The following NDUFA10 variants were observed in gnomAD, a reference collection of about 807,000 sequenced individuals.
The protein encoded by NDUFA10 is NADH dehydrogenase [ubiquinone] 1 alpha subcomplex subunit 10, mitochondrial.
A neutral mutation model predicts 47.8 loss-of-function variants in NDUFA10; 40 were observed. That is an observed-to-expected ratio of 0.84 (90% confidence interval 0.65 to 1.09). The LOEUF is 1.09. NDUFA10 is among the 50% of genes least tolerant of loss of function. NDUFA10 has a pLI of 0.00. For synonymous variants in NDUFA10, 183 were observed against 172.2 expected, an observed-to-expected ratio of 1.06 and a Z score of -0.49; for missense variants, 413 against 451.1, an observed-to-expected ratio of 0.92 and a Z score of 0.76.
At chr2:239,940,875 G>C (rs1694349932) in intron 4 of NDUFA10, among the ~76,000 whole-genome samples, 2 of 152,222 alleles carry the variant, frequency 1.3e-5, no homozygotes, top group Admixed American at 1.3e-4. Context: ...TGACCTACAA[G>C]GAACAGAGTT....
intron 4 of NDUFA10, among the ~76,000 whole-genome samples, chr2:239,904,701 G>A: frequency 6.6e-6 from 1 of 152,226 alleles, no homozygotes; most frequent in South Asian, 2.1e-4. Flanking sequence ...TGGTGCATCA[G>A]TGTCCTGGGG....
At chr2:239,966,301 T>C (rs934680412) in intron 9 of NDUFA10, among the ~76,000 whole-genome samples, 1 of 152,190 alleles carries the variant, frequency 6.6e-6, no homozygotes, top group Admixed American at 6.5e-5. Context: ...CAACTCCCCC[T>C]GGCCCCCGAT....
intron 4 of NDUFA10, among the ~76,000 whole-genome samples, chr2:239,919,608 G>T (rs762379718): frequency 6.6e-6 from 1 of 152,190 alleles, no homozygotes; most frequent in Non-Finnish European, 1.5e-5. Context: ...TGGGTGTGGG[G>T]TTATGGGTGA....
chr2:239,962,624 C>A (rs1160574943), intron 9 of NDUFA10, among the ~76,000 whole-genome samples: 1 of 152,166 alleles, frequency 6.6e-6, no homozygotes, highest in Non-Finnish European at 1.5e-5. Flanking sequence ...TTCATTCTTG[C>A]ACTGCTATAA....
At position 240,018,775 on chromosome 2, in the gene NDUFA10, A is replaced by G. The variant is rs1697478566; in HGVS notation, c.461-136T>C. ...TCCACACCAAAATACTGAAAAGAACATAGACATATTTGTAAGTGGGAAACC... is the reference window on the plus strand; with the variant it reads ...TCCACACCAAAATACTGAAAAGAACGTAGACATATTTGTAAGTGGGAAACC... On this transcript the variant is annotated intron_variant, in intron 3 of 9. Transcript: ENST00000252711. 4.9e-6 allele frequency: 5 copies of G among 1,020,084 alleles called. No individual in the cohort carries two copies. In the Admixed American group the frequency reaches 8.3e-5, roughly 17 times the overall value. 63.2% of individuals were successfully genotyped at this position (1,020,084 alleles called of 1,614,324 possible).
chr2:239,972,741 T>C (rs1695352603), intron 9 of NDUFA10, among the ~76,000 whole-genome samples: 1 of 152,256 alleles, frequency 6.6e-6, no homozygotes, highest in Admixed American at 6.5e-5. Context: ...GTCATATTTG[T>C]TGCAATGAGT....
Position 239,945,920 on chromosome 2 carries a change from C to A in NDUFA10, c.294+44154G>T, listed in dbSNP as rs1158057462. ...TGGAGCAGGAGGGTGGAAGACACTG[C>A]GCTGAGAATGGGATCCGCTTGCGGA... On this transcript the variant is annotated intron_variant, in intron 4 of 5. Coordinates refer to the NDUFA10 transcript ENST00000419408. The surrounding 1 kb of genome is among the most constrained non-coding windows in gnomAD (Gnocchi z 4.6). Among the ~76,000 whole-genome samples, 1 of 152,140 alleles carries A rather than the reference C, an allele frequency of 6.6e-6. No individual in the cohort carries two copies. The highest frequency in any genetic ancestry group is 1.5e-5 in the Non-Finnish European group (1 of 68,028).
intron 1 of NDUFA10, 79 bp downstream of exon 1, chr2:240,025,148 G>A (rs1204066568): frequency 5.9e-6 from 7 of 1,183,622 alleles, no homozygotes; most frequent in East Asian, 6.1e-5. Flanking sequence ...AGAGGCCGGG[G>A]GAGATGTGGA....
chr2:240,000,675 G>A (rs917786623), intron 8 of NDUFA10, among the ~76,000 whole-genome samples: 4 of 152,070 alleles, frequency 2.6e-5, no homozygotes, highest in South Asian at 2.1e-4. Context: ...TGCCAGTCCC[G>A]TCAGCTCCAC....
chr2:239,899,117 G>A (rs1429500532), intron 4 of NDUFA10, among the ~76,000 whole-genome samples: 1 of 20,180 alleles, frequency 5.0e-5, no homozygotes, highest in Non-Finnish European at 1.2e-4. Flanking sequence ...GTGACGGAGG[G>A]GTGTGATGGA....
At chr2:239,892,739 C>T (rs1479092595) in intron 5 of NDUFA10, 1 of 152,304 alleles carries the variant, frequency 6.6e-6, no homozygotes, top group Non-Finnish European at 1.5e-5. Context: ...TCCTTAGTTC[C>T]ACCACCCAAG....
chr2:239,913,225 C>T (rs1185756436), intron 4 of NDUFA10, among the ~76,000 whole-genome samples: 1 of 152,256 alleles, frequency 6.6e-6, no homozygotes. Flanking sequence ...TGAGCCAAGA[C>T]TGCCCTCCGT....
rs1249432080 is a variant in NDUFA10, at chr2:240,011,554, G to A, written c.749+63C>T. ...AGACAGAAAACTCCCTGGGCTGTTG[G>A]GGCCTAAGAAACGAGTGGCGAAGAA... is the stretch of plus-strand genomic sequence containing the variant. On this transcript the variant is annotated intron_variant, in intron 6 of 9. Coordinates refer to ENST00000252711, the MANE Select transcript of NDUFA10 (RefSeq NM_004544.4). 7 of 1,301,750 alleles carry A rather than the reference G, an allele frequency of 5.4e-6. No homozygotes were observed. The African/African-American group carries it at 7.3e-5, about 14-fold the overall frequency. 80.6% of individuals were successfully genotyped at this position (1,301,750 alleles called of 1,614,324 possible). A position where few individuals can be genotyped will look rare whatever the true frequency, so the allele number is the denominator to read the frequency against.
At position 239,944,766 on chromosome 2, in the gene NDUFA10, C is replaced by T. The variant is rs561765867; in HGVS notation, c.294+45308G>A. Reference sequence around the variant, plus strand: ...CTCGCTCGTTAGCCAGGGTTTCCAGCTCAAGGAGCAAGCTCTGTCCACGCC... The same window carrying T: ...CTCGCTCGTTAGCCAGGGTTTCCAGTTCAAGGAGCAAGCTCTGTCCACGCC... On this transcript the variant is annotated intron_variant, in intron 4 of 5. Coordinates refer to the NDUFA10 transcript ENST00000419408. Among the ~76,000 whole-genome samples the T allele has an allele frequency of 5.9e-5, 9 of 152,292 alleles. No homozygotes were observed. In the East Asian group the frequency reaches 1.5e-3, roughly 26 times the overall value.
intron 9 of NDUFA10, among the ~76,000 whole-genome samples, chr2:239,961,932 G>A (rs1195411160): frequency 6.6e-6 from 1 of 152,214 alleles, no homozygotes; most frequent in Non-Finnish European, 1.5e-5. Flanking sequence ...AGAGATCAGG[G>A]GCTCAGGTGG....
chr2:239,909,961 A>G (rs1212730238), intron 4 of NDUFA10, among the ~76,000 whole-genome samples: 1 of 152,168 alleles, frequency 6.6e-6, no homozygotes, highest in African/African-American at 2.4e-5. Context: ...TGAAAAAAAA[A>G]AAAAAGCTCA....
rs1271984352 is a variant in NDUFA10, at chr2:239,911,666, A to AGTGTGTGTGTGTGT, written c.295-16353_295-16352insACACACACACACAC. ...AGCCCAGCCCAGACACCAAAACATG[A>AGTGTGTGTGTGTGT]GAGAGTGTGTGTGCGTGTGTGTGTG... On this transcript the variant is annotated intron_variant, in intron 4 of 5. Transcript: ENST00000419408. Among the ~76,000 whole-genome samples, 320 of 86,342 alleles carry AGTGTGTGTGTGTGT rather than the reference A, an allele frequency of 3.7e-3. 2 individuals carry two copies. The highest frequency in any genetic ancestry group is 0.013 in the African/African-American group (307 of 23,154). 56.6% of individuals were successfully genotyped at this position (86,342 alleles called of 152,430 possible). A position where few individuals can be genotyped will look rare whatever the true frequency, so the allele number is the denominator to read the frequency against.
At chr2:239,999,183 A>G (rs1363729792) in intron 8 of NDUFA10, among the ~76,000 whole-genome samples, 1 of 152,200 alleles carries the variant, frequency 6.6e-6, no homozygotes, top group African/African-American at 2.4e-5. Context: ...GACCAACTCA[A>G]GACTATGAAT....
At chr2:239,950,077 T>C (rs1392859001) in intron 4 of NDUFA10, among the ~76,000 whole-genome samples, 1 of 152,132 alleles carries the variant, frequency 6.6e-6, no homozygotes, top group South Asian at 2.1e-4. Context: ...CAGCCAAGCT[T>C]GCTGTGAGAA....
Sources: allele counts gnomAD v4.1 joint callset (sites outside exome capture counted in the v4.1 genomes callset), GRCh38; gene constraint gnomAD v4.1.1; non-coding constraint Gnocchi (gnomAD v3.1); transcripts MANE v1.5; gene names NCBI Gene and HGNC (gene_info 2026-07-23, HGNC 2026-07-21).